Variants in NCKAP1 observed in about 807,000 individuals in gnomAD.
NCKAP1 encodes nck-associated protein 1.
A neutral mutation model predicts 151.2 loss-of-function variants in NCKAP1; 21 were observed. The observed-to-expected ratio is 0.14, with a 90% CI of 0.10 to 0.20. The LOEUF is 0.20. NCKAP1 is among the 10% of genes least tolerant of loss of function. The probability of loss-of-function intolerance (pLI) is 1.00; values close to 1 mark genes in which losing one functional copy is unlikely to be tolerated. For synonymous variants in NCKAP1, 484 were observed against 451.8 expected (o/e 1.07, Z -0.90); for missense variants, 933 against 1,352.1 (o/e 0.69, Z 4.86).
At chr2:182,927,045 C>T (rs1455705464) in intron 29 of NCKAP1, 140 bp from the exon 30 acceptor site, 5 of 556,962 alleles carry the variant, frequency 9.0e-6, no homozygotes, top group Admixed American at 3.9e-5. Flanking sequence ...ATAAGATGAG[C>T]TTAGATAGCC....
At chr2:182,942,205 T>C (rs893331584) in intron 23 of NCKAP1, 42 bp from the exon 24 acceptor site, 41 of 1,451,010 alleles carry the variant, frequency 2.8e-5, no homozygotes, top group South Asian at 4.7e-5. Flanking sequence ...ACAGACCTCT[T>C]TGTGTTAATG....
At chr2:182,931,702 A>G (rs1373241095) in intron 26 of NCKAP1, among the ~76,000 whole-genome samples, 1 of 152,138 alleles carries the variant, frequency 6.6e-6, no homozygotes, top group East Asian at 1.9e-4. Context: ...GACATCATCA[A>G]CCTATAGAAT....
chr2:182,952,904 G>T lies in NCKAP1; in HGVS notation c.2392C>A (p.Arg798=). ...GCTATATGGCCATTGCTGACTTGTC[G>T]TAACAAAGTTTCCAAATACCTAAGG... The part of the protein sequence containing the change: ...YTNWYLETLL[R]QVSNGHIAYF... Residue 798 remains arginine, a synonymous_variant, in exon 22 of 31, where the codon CGA becomes AGA. Coordinates refer to ENST00000361354, the MANE Select transcript of NCKAP1 (RefSeq NM_013436.5). The T allele has an allele frequency of 1.2e-6, 2 of 1,610,112 alleles. No homozygotes were observed. The highest frequency in any genetic ancestry group is 1.1e-5 in the South Asian group (1 of 89,978).
rs1319611324 is a variant in NCKAP1, at chr2:182,962,285, A to G, written c.1762-7T>C. The stretch of plus-strand genomic sequence containing the variant: ...GATCTCCAATATGATGTCGCTGTGA[A>G]GGCAGAATAATAATAATAATACAAG... On this transcript the variant is annotated splice_region_variant and splice_polypyrimidine_tract_variant and intron_variant, in intron 17 of 30. Transcript: ENST00000361354. 6.3e-7 allele frequency: 1 copy of G among 1,593,506 alleles called. No individual in the cohort carries two copies. Among genetic ancestry groups the G allele is most frequent in the Non-Finnish European group, 8.6e-7 (1 of 1,165,408 alleles).
chr2:183,029,590 G>A (rs975904419), intron 1 of NCKAP1, among the ~76,000 whole-genome samples: 1 of 151,970 alleles, frequency 6.6e-6, no homozygotes, highest in Non-Finnish European at 1.5e-5. Flanking sequence ...CGGAGGCCAA[G>A]GCAGGAGAAT....
rs910665442 is a variant in NCKAP1, at chr2:182,922,849, C to T, written c.*2853G>A. ...CCAACATGGTAAAACCCCATCTCTA[C>T]TAAAAATACCAAAAATTAACTGGGC... is the stretch of plus-strand genomic sequence containing the variant. On this transcript the variant is annotated 3_prime_UTR_variant, in exon 31 of 31. Transcript: ENST00000361354. 1 of 152,218 alleles carries T rather than the reference C, an allele frequency of 6.6e-6. No individual in the cohort carries two copies. The highest frequency in any genetic ancestry group is 1.9e-4 in the East Asian group (1 of 5,194). 9.4% of individuals were successfully genotyped at this position (152,218 alleles called of 1,614,324 possible).
chr2:182,966,770 T>C (rs1163975499), intron 16 of NCKAP1, among the ~76,000 whole-genome samples: 1 of 152,276 alleles, frequency 6.6e-6, no homozygotes, highest in Middle Eastern at 3.4e-3. Context: ...AAAAAGAGAA[T>C]GAAGCACAAT....
At position 182,925,017 on chromosome 2, in the gene NCKAP1, T is replaced by G. The variant is rs777446883; in HGVS notation, c.*685A>C. 1 of 152,136 alleles carries G rather than the reference T, an allele frequency of 6.6e-6. No homozygotes were observed. The highest frequency in any genetic ancestry group is 1.5e-5 in the Non-Finnish European group (1 of 67,972). 9.4% of individuals were successfully genotyped at this position (152,136 alleles called of 1,614,324 possible). A position where few individuals can be genotyped will look rare whatever the true frequency, so the allele number is the denominator to read the frequency against. On this transcript the variant is annotated 3_prime_UTR_variant, in exon 31 of 31. Coordinates refer to ENST00000361354, the MANE Select transcript of NCKAP1 (RefSeq NM_013436.5). ...GTTGATAAATGTCTAAGATTGTTTA[T>G]TATACAGCAGGGTACAATGGTAGTG...
intron 8 of NCKAP1, 77 bp downstream of exon 8, chr2:182,994,762 G>T: frequency 8.5e-7 from 1 of 1,181,232 alleles, no homozygotes; most frequent in Non-Finnish European, 1.3e-6. Flanking sequence ...CACAGAGGTA[G>T]TAACCATGTC....
Position 182,944,057 on chromosome 2 carries a change from C to G in NCKAP1, c.2602-1894G>C, listed in dbSNP as rs555803993. ...CAGGTCTGAGACAGAGAACAAAAAC[C>G]TGCATTTTTAACCAGCTCCAAAGTA... On this transcript the variant is annotated intron_variant, in intron 23 of 30. Coordinates refer to ENST00000361354, the MANE Select transcript of NCKAP1 (RefSeq NM_013436.5). Among the ~76,000 whole-genome samples, 3 of 152,302 alleles carry G rather than the reference C, an allele frequency of 2.0e-5. No homozygotes were observed. In the South Asian group the frequency reaches 6.2e-4, roughly 32 times the overall value.
intron 15 of NCKAP1, among the ~76,000 whole-genome samples, chr2:182,976,016 AGTT>A (rs1242088461): frequency 6.6e-6 from 1 of 152,234 alleles, no homozygotes; most frequent in Non-Finnish European, 1.5e-5. Context: ...AATATAGGCC[AGTT>A]ATTAAAAGTG....
At chr2:183,017,702 T>G (rs913466196) in intron 2 of NCKAP1, among the ~76,000 whole-genome samples, 1 of 152,130 alleles carries the variant, frequency 6.6e-6, no homozygotes, top group East Asian at 1.9e-4. Context: ...AGATCGTATA[T>G]GTACTTAGTT....
rs1360531496 is a variant in NCKAP1, at chr2:182,919,564, G to A, written c.*6138C>T. 1 of 151,068 alleles carries A rather than the reference G, an allele frequency of 6.6e-6. No individual in the cohort carries two copies. The highest frequency in any genetic ancestry group is 1.5e-5 in the Non-Finnish European group (1 of 67,924). The allele number at this position is 151,068 out of a possible 1,614,324, so 9.4% of individuals were successfully genotyped here. Reference sequence around the variant, plus strand: ...AAACATTCTATATGTAACTTGGAGTGAAACTCATGTGTTTTATACATTGAA... The same window carrying A: ...AAACATTCTATATGTAACTTGGAGTAAAACTCATGTGTTTTATACATTGAA... On this transcript the variant is annotated 3_prime_UTR_variant, in exon 31 of 31. Transcript: ENST00000361354.
intron 2 of NCKAP1, among the ~76,000 whole-genome samples, chr2:183,011,916 G>A (rs1698596757): frequency 6.6e-6 from 1 of 152,160 alleles, no homozygotes; most frequent in African/African-American, 2.4e-5. Context: ...CAGGCATTGT[G>A]GGAGAAGCTG....
chr2:182,973,087 T>C (rs756093110), intron 15 of NCKAP1, among the ~76,000 whole-genome samples: 13 of 152,256 alleles, frequency 8.5e-5, no homozygotes, highest in Middle Eastern at 3.4e-3. Flanking sequence ...GATGAAATAT[T>C]CCCACTACCC....
chr2:182,994,694 G>C lies in NCKAP1; in HGVS notation c.790+145C>G, dbSNP rs375254324. ...CACAAACAGGCTATCTACTCTGATAGGATCAATATGAGGACTGAAAGAGGT... is the reference window on the plus strand; with the variant it reads ...CACAAACAGGCTATCTACTCTGATACGATCAATATGAGGACTGAAAGAGGT... On this transcript the variant is annotated intron_variant, in intron 8 of 30. Transcript: ENST00000361354. 9.1e-5 allele frequency: 60 copies of C among 658,706 alleles called. No homozygotes were observed. In the African/African-American group the frequency reaches 1.0e-3, roughly 11 times the overall value. 40.8% of individuals were successfully genotyped at this position (658,706 alleles called of 1,614,324 possible). A position where few individuals can be genotyped will look rare whatever the true frequency, so the allele number is the denominator to read the frequency against.
intron 6 of NCKAP1, among the ~76,000 whole-genome samples, chr2:182,998,679 A>C (rs2105871805): frequency 6.6e-6 from 1 of 151,810 alleles, no homozygotes; most frequent in South Asian, 2.1e-4. Flanking sequence ...AAAATACAAA[A>C]ATTAGCTGGG....
intron 15 of NCKAP1, among the ~76,000 whole-genome samples, chr2:182,972,202 A>T (rs890000153): frequency 3.3e-5 from 5 of 150,182 alleles, no homozygotes; most frequent in Non-Finnish European, 7.4e-5. Context: ...AGAATATATA[A>T]GGAACTCAAA....
chr2:182,947,702 C>T (rs1167496757), intron 23 of NCKAP1, among the ~76,000 whole-genome samples: 1 of 151,888 alleles, frequency 6.6e-6, no homozygotes. Flanking sequence ...TCTTTTGTTC[C>T]TATAATTTCA....
Sources: allele counts gnomAD v4.1 joint callset (sites outside exome capture counted in the v4.1 genomes callset), GRCh38; gene constraint gnomAD v4.1.1; transcripts MANE v1.5; gene names NCBI Gene and HGNC (gene_info 2026-07-23, HGNC 2026-07-21).